The following ROBO2 variants were observed in gnomAD, a reference collection of about 807,000 sequenced individuals.
ROBO2 encodes roundabout guidance receptor 2.
A neutral mutation model predicts 160.8 loss-of-function variants in ROBO2; 53 were observed. The ratio of observed to expected loss-of-function variants is 0.33; its 90% CI spans 0.26 to 0.41. The LOEUF (loss-of-function observed/expected upper bound fraction) is 0.41. Ranked by LOEUF, ROBO2 falls within the 10% of genes least tolerant of loss-of-function variation. The pLI, the probability that ROBO2 is intolerant of heterozygous loss-of-function variation, is 1.00. For synonymous variants in ROBO2, 664 were observed against 611.7 expected, an observed-to-expected ratio of 1.09 and a Z score of -1.26; for missense variants, 1,577 against 1,722.4, an observed-to-expected ratio of 0.92 and a Z score of 1.49.
At chr3:76,760,356 AT>A (rs1295385039) in intron 2 of ROBO2, among the ~76,000 whole-genome samples, 1 of 151,686 alleles carries the variant, frequency 6.6e-6, no homozygotes, top group Non-Finnish European at 1.5e-5. Context: ...TTAGCCTCTG[AT>A]TTTTTTAATG....
chr3:76,992,342 TATATATATATATATATATATATATATA>T (rs1559812009), intron 2 of ROBO2, among the ~76,000 whole-genome samples: 20 of 72,750 alleles, frequency 2.7e-4, no homozygotes, highest in African/African-American at 8.3e-4. Flanking sequence ...TATATATATA[TATATATATATATATATATATATATATA>T]AATTTAGCTT....
chr3:76,530,158 C>T (rs187500838), intron 2 of ROBO2, among the ~76,000 whole-genome samples: 9 of 152,318 alleles, frequency 5.9e-5, no homozygotes, highest in Non-Finnish European at 1.3e-4. Context: ...GTCATCACGA[C>T]TACCGCTTAC....
intron 2 of ROBO2, among the ~76,000 whole-genome samples, chr3:76,011,527 C>T (rs1008154407): frequency 6.6e-6 from 1 of 152,158 alleles, no homozygotes; most frequent in African/African-American, 2.4e-5. Context: ...TACGAGACCT[C>T]GCTCTTGTGA....
At position 75,996,438 on chromosome 3, in the gene ROBO2, C is replaced by T. The variant is rs564990141; in HGVS notation, c.109+58836C>T. ...ATGATTGTAAGATTCGTGTGGCCTC[C>T]CCAGCCATGTGGAACTGTGAGTCAA... On this transcript the variant is annotated intron_variant, in intron 2 of 26. Transcript: ENST00000487694. Among the ~76,000 whole-genome samples, 4 of 152,212 alleles carry T rather than the reference C, an allele frequency of 2.6e-5. No homozygotes were observed. In the East Asian group the frequency reaches 7.7e-4, roughly 29 times the overall value.
intron 2 of ROBO2, among the ~76,000 whole-genome samples, chr3:77,108,254 A>G (rs913610748): frequency 1.6e-5 from 2 of 121,796 alleles, no homozygotes; most frequent in Non-Finnish European, 3.7e-5. Flanking sequence ...ACATATGCAT[A>G]TATATGTATA....
At position 76,926,805 on chromosome 3, in the gene ROBO2, A is replaced by G. The variant is rs188667787; in HGVS notation, c.110-171209A>G. Among the ~76,000 whole-genome samples the G allele has an allele frequency of 3.9e-5, 6 of 152,270 alleles. No individual in the cohort carries two copies. In the East Asian group the frequency reaches 1.2e-3, roughly 29 times the overall value. On this transcript the variant is annotated intron_variant, in intron 2 of 26. Coordinates refer to the ROBO2 transcript ENST00000487694. ...TAACTGATCTTATCCCAAATAATCA[A>G]TTGTTGAGGACACTCTAGCTCGCAG...
chr3:76,060,793 T>C (rs1345115884), intron 2 of ROBO2, among the ~76,000 whole-genome samples: 1 of 151,728 alleles, frequency 6.6e-6, no homozygotes, highest in Admixed American at 6.6e-5. Flanking sequence ...ATAGATCTTG[T>C]CTGTGACTCT....
intron 6 of ROBO2, chr3:77,538,896 T>C (rs750030076): frequency 4.1e-6 from 2 of 486,964 alleles, no homozygotes; most frequent in South Asian, 3.0e-5. Context: ...ATTAACTAAT[T>C]TTTGCAGAAA....
At chr3:77,200,267 TTATATATATATATATATA>T (rs144644165) in intron 2 of ROBO2, among the ~76,000 whole-genome samples, 833 of 46,544 alleles carry the variant, frequency 0.018, 23 homozygotes, top group African/African-American at 0.024. Flanking sequence ...CTAACATATT[TTATATATATATATATATA>T]TATATATATA....
intron 2 of ROBO2, among the ~76,000 whole-genome samples, chr3:76,310,297 CAAAT>C (rs1180509190): frequency 6.6e-6 from 1 of 152,146 alleles, no homozygotes; most frequent in East Asian, 1.9e-4. Context: ...TGTACACAAA[CAAAT>C]AAAAATATGC....
chr3:76,088,528 T>A (rs2108076183), intron 2 of ROBO2, among the ~76,000 whole-genome samples: 1 of 151,812 alleles, frequency 6.6e-6, no homozygotes, highest in Admixed American at 6.6e-5. Context: ...GCTATCAGAG[T>A]ACAATGGAAT....
At chr3:76,333,787 A>T (rs934965327) in intron 2 of ROBO2, among the ~76,000 whole-genome samples, 2 of 152,156 alleles carry the variant, frequency 1.3e-5, no homozygotes, top group Non-Finnish European at 2.9e-5. Context: ...AGTCTTTGCT[A>T]TTGTGAGTAG....
At chr3:76,593,252 C>G (rs974106292) in intron 2 of ROBO2, among the ~76,000 whole-genome samples, 3 of 152,038 alleles carry the variant, frequency 2.0e-5, no homozygotes, top group African/African-American at 7.2e-5. Flanking sequence ...ATTAAGAATG[C>G]TGTAATCCCA....
rs561363818 is a variant in ROBO2, at chr3:76,396,763, C to T, written c.109+459161C>T. ...ATAAAATACCTAGGAATCCAACTTA[C>T]GAGGGACGTGAAGGACCTCCTCAAG... On this transcript the variant is annotated intron_variant, in intron 2 of 26. Transcript: ENST00000487694. Among the ~76,000 whole-genome samples, 232 of 152,206 alleles carry T rather than the reference C, an allele frequency of 1.5e-3. 1 individual carries two copies. The highest frequency in any genetic ancestry group is 0.014 in the Middle Eastern group (4 of 294).
At chr3:76,161,025 T>TGTAA (rs1438429888) in intron 2 of ROBO2, among the ~76,000 whole-genome samples, 1 of 152,174 alleles carries the variant, frequency 6.6e-6, no homozygotes, top group Non-Finnish European at 1.5e-5. Context: ...TAATGAACTT[T>TGTAA]GTAAACCTAA....
At chr3:76,046,418 C>T (rs1019654387) in intron 2 of ROBO2, among the ~76,000 whole-genome samples, 1 of 151,840 alleles carries the variant, frequency 6.6e-6, no homozygotes, top group African/African-American at 2.4e-5. Flanking sequence ...GGGAGGCCGA[C>T]GCGGGTGGAT....
At chr3:76,367,478 G>A (rs534382672) in intron 2 of ROBO2, among the ~76,000 whole-genome samples, 2 of 151,984 alleles carry the variant, frequency 1.3e-5, no homozygotes, top group South Asian at 2.1e-4. Context: ...ACCCTGACTC[G>A]ATGGGAAAAA....
At chr3:75,958,555 G>A (rs617716) in intron 2 of ROBO2, among the ~76,000 whole-genome samples, 64,734 of 151,426 alleles carry the variant, frequency 0.43, 15,020 homozygotes, top group South Asian at 0.64. Flanking sequence ...TTTATGAAGG[G>A]CTGAGGATTT....
intron 2 of ROBO2, among the ~76,000 whole-genome samples, chr3:77,154,912 G>T (rs1397958596): frequency 3.3e-5 from 5 of 151,716 alleles, no homozygotes; most frequent in African/African-American, 1.2e-4. Flanking sequence ...CTACCTATTG[G>T]GTACTAGACT....
Sources: allele counts gnomAD v4.1 joint callset (sites outside exome capture counted in the v4.1 genomes callset), GRCh38; gene constraint gnomAD v4.1.1; transcripts MANE v1.5; gene names NCBI Gene and HGNC (gene_info 2026-07-23, HGNC 2026-07-21).